Variants in NEGR1 observed in about 807,000 individuals in gnomAD.
The protein encoded by NEGR1 is IgLON family member 4.
Under a neutral mutation model 40.9 loss-of-function variants are expected in NEGR1, and 10 were observed. That is an observed-to-expected ratio of 0.24 (90% CI 0.15 to 0.42). NEGR1 has a LOEUF of 0.42. NEGR1 is among the 10% of genes least tolerant of loss of function. The pLI is 1.00. For missense variants in NEGR1, 352 were observed against 438.9 expected (o/e 0.80, Z 1.77); for synonymous variants, 185 against 166.8 (o/e 1.11, Z -0.84).
intron 2 of NEGR1, among the ~76,000 whole-genome samples, chr1:71,897,361 C>T (rs1661002285): frequency 6.6e-6 from 1 of 152,122 alleles, no homozygotes; most frequent in African/African-American, 2.4e-5. Flanking sequence ...AAGGATAGTT[C>T]TCCGATTCCT....
chr1:72,042,810 A>G (rs571913975), intron 1 of NEGR1, among the ~76,000 whole-genome samples: 13 of 152,126 alleles, frequency 8.5e-5, no homozygotes, highest in African/African-American at 3.1e-4. Context: ...ACTAAATATT[A>G]CCAGGATGCT....
At chr1:72,207,116 T>C (rs1247062366) in intron 1 of NEGR1, among the ~76,000 whole-genome samples, 2 of 147,164 alleles carry the variant, frequency 1.4e-5, no homozygotes, top group African/African-American at 5.0e-5. Context: ...TATTCTGATA[T>C]AACAGGCTAC....
At chr1:71,918,045 G>A (rs1425774331) in intron 2 of NEGR1, among the ~76,000 whole-genome samples, 2 of 149,724 alleles carry the variant, frequency 1.3e-5, no homozygotes, top group East Asian at 4.0e-4. Context: ...GTGAAACCCC[G>A]TCTCTACTAG....
intron 1 of NEGR1, among the ~76,000 whole-genome samples, chr1:72,025,104 AC>A (rs774540529): frequency 1.3e-5 from 2 of 152,162 alleles, no homozygotes; most frequent in Non-Finnish European, 2.9e-5. Context: ...AGTCTATTAA[AC>A]TTTTAAGGAA....
At chr1:72,219,751 G>C (rs1282301603) in intron 1 of NEGR1, among the ~76,000 whole-genome samples, 2 of 151,944 alleles carry the variant, frequency 1.3e-5, no homozygotes, top group Admixed American at 6.6e-5. Flanking sequence ...GTTATGATTA[G>C]GTTAATGCTG....
At chr1:72,208,401 T>C (rs899493728) in intron 1 of NEGR1, among the ~76,000 whole-genome samples, 3 of 151,802 alleles carry the variant, frequency 2.0e-5, no homozygotes, top group Non-Finnish European at 4.4e-5. Context: ...TCAGTTTTAC[T>C]GCACATTAGA....
chr1:72,047,102 A>C (rs911821022), intron 1 of NEGR1, among the ~76,000 whole-genome samples: 10 of 151,410 alleles, frequency 6.6e-5, no homozygotes, highest in African/African-American at 2.2e-4. Context: ...GCTTCTTCCC[A>C]AGTTCATTTA....
intron 6 of NEGR1, among the ~76,000 whole-genome samples, chr1:71,453,665 TG>T (rs1646649596): frequency 6.6e-6 from 1 of 152,158 alleles, no homozygotes; most frequent in Non-Finnish European, 1.5e-5. Flanking sequence ...TTCAATAAGA[TG>T]TAGGGAAAAG....
chr1:71,686,774 A>C (rs756291842), intron 4 of NEGR1, among the ~76,000 whole-genome samples: 1 of 152,224 alleles, frequency 6.6e-6, no homozygotes, highest in Non-Finnish European at 1.5e-5. Context: ...TGACTCCTAA[A>C]GAATTCACAA....
chr1:71,986,389 C>A (rs1056443022), intron 1 of NEGR1, among the ~76,000 whole-genome samples: 2 of 152,154 alleles, frequency 1.3e-5, no homozygotes, highest in African/African-American at 4.8e-5. Flanking sequence ...TTGAACTCTG[C>A]AACTCAGTAA....
chr1:71,852,797 A>G (rs1437215836), intron 2 of NEGR1, among the ~76,000 whole-genome samples: 1 of 152,042 alleles, frequency 6.6e-6, no homozygotes, highest in Non-Finnish European at 1.5e-5. Flanking sequence ...CCAGGAAAAA[A>G]AAAAAAAGCT....
At chr1:71,676,742 A>C (rs146438300) in intron 4 of NEGR1, among the ~76,000 whole-genome samples, 13 of 152,226 alleles carry the variant, frequency 8.5e-5, no homozygotes, top group African/African-American at 2.9e-4. Context: ...AAAATGTCAA[A>C]TAATTTACTC....
intron 2 of NEGR1, among the ~76,000 whole-genome samples, chr1:71,837,895 A>T (rs1254810570): frequency 6.6e-6 from 1 of 152,124 alleles, no homozygotes; most frequent in Non-Finnish European, 1.5e-5. Context: ...AATCAATGAA[A>T]AGTACATTTT....
intron 3 of NEGR1, among the ~76,000 whole-genome samples, chr1:71,749,988 C>CTTT (rs768011020): frequency 3.7e-5 from 5 of 136,634 alleles, no homozygotes; most frequent in Non-Finnish European, 7.8e-5. Flanking sequence ...TTGCTCCTTT[C>CTTT]TTTTTTTTTT....
intron 2 of NEGR1, among the ~76,000 whole-genome samples, chr1:71,879,386 T>C (rs970764496): frequency 6.6e-6 from 1 of 152,080 alleles, no homozygotes; most frequent in South Asian, 2.1e-4. Context: ...TAAAACAAGA[T>C]AATACTTTTT....
intron 1 of NEGR1, among the ~76,000 whole-genome samples, chr1:72,194,188 C>T (rs1248202299): frequency 6.6e-6 from 1 of 151,786 alleles, no homozygotes; most frequent in Non-Finnish European, 1.5e-5. Context: ...TGTCTTACTT[C>T]TCTGTGTATG....
intron 2 of NEGR1, among the ~76,000 whole-genome samples, chr1:71,920,930 C>A (rs1358116728): frequency 2.0e-5 from 3 of 152,082 alleles, no homozygotes; most frequent in Non-Finnish European, 4.4e-5. Flanking sequence ...TTCACTCATG[C>A]CATTGTGTAT....
chr1:72,087,092 C>T (rs1398720018), intron 1 of NEGR1, among the ~76,000 whole-genome samples: 1 of 152,080 alleles, frequency 6.6e-6, no homozygotes, highest in East Asian at 1.9e-4. Context: ...AATTCTAAGG[C>T]TCTCCAAATT....
intron 4 of NEGR1, among the ~76,000 whole-genome samples, chr1:71,617,201 T>C (rs1650473541): frequency 6.6e-6 from 1 of 152,250 alleles, no homozygotes; most frequent in Admixed American, 6.5e-5. Context: ...GGTGAAGAGC[T>C]GATCCTGCCT....
Sources: allele counts gnomAD v4.1 joint callset (sites outside exome capture counted in the v4.1 genomes callset), GRCh38; gene constraint gnomAD v4.1.1; transcripts MANE v1.5; gene names NCBI Gene and HGNC (gene_info 2026-07-23, HGNC 2026-07-21).